The following HTT variants were observed in gnomAD, a reference collection of about 807,000 sequenced individuals.
HTT encodes huntingtin, also known as huntington disease protein.
A neutral mutation model predicts 362.3 loss-of-function variants in HTT; 104 were observed. The ratio of observed to expected loss-of-function variants is 0.29; its 90% CI spans 0.24 to 0.34. The LOEUF is 0.34. Among genes scored for constraint, HTT ranks in the 10% least tolerant of loss-of-function variants. HTT has a pLI of 1.00. For synonymous variants in HTT, 1,577 were observed against 1,548.7 expected (o/e 1.02, Z -0.43); for missense variants, 3,301 against 3,928.6 (o/e 0.84, Z 4.27).
At chr4:3,133,075 C>G (rs1236398480) in intron 18 of HTT, among the ~76,000 whole-genome samples, 164 bp downstream of exon 18, 1 of 152,142 alleles carries the variant, frequency 6.6e-6, no homozygotes, top group African/African-American at 2.4e-5. Context: ...AAAACGTTGC[C>G]AGTAAAGTTA....
At chr4:3,229,645 A>C (rs370244989) in intron 59 of HTT, among the ~76,000 whole-genome samples, 1 of 151,718 alleles carries the variant, frequency 6.6e-6, no homozygotes, top group African/African-American at 2.4e-5. Context: ...CCACATGCGC[A>C]CACACACACC....
At chr4:3,103,768 G>A (rs886086119) in intron 3 of HTT, 56 bp from the exon 4 acceptor site, 78 of 1,103,972 alleles carry the variant, frequency 7.1e-5, no homozygotes, top group Non-Finnish European at 9.1e-5. Context: ...CTTTTAGCTC[G>A]TTTTAGAACT....
intron 11 of HTT, 53 bp downstream of exon 11, chr4:3,125,682 C>A: frequency 1.5e-6 from 2 of 1,294,748 alleles, no homozygotes; most frequent in South Asian, 1.2e-5. Flanking sequence ...TGCCTTCCAC[C>A]CCTTGCCCTT....
intron 59 of HTT, among the ~76,000 whole-genome samples, chr4:3,229,249 ACAC>A (rs1721091066): frequency 1.5e-5 from 2 of 137,842 alleles, no homozygotes; most frequent in Admixed American, 1.5e-4. Flanking sequence ...CACACACGCC[ACAC>A]CACATGCACC....
At chr4:3,075,818 C>G (rs1381841619) in intron 1 of HTT, among the ~76,000 whole-genome samples, 1 of 152,152 alleles carries the variant, frequency 6.6e-6, no homozygotes, top group Non-Finnish European at 1.5e-5. Flanking sequence ...ATCTGCTCAT[C>G]TAAGCCTAAG....
chr4:3,223,682 C>A, intron 55 of HTT, 122 bp downstream of exon 55: 1 of 925,264 alleles, frequency 1.1e-6, no homozygotes, highest in Non-Finnish European at 1.6e-6. Flanking sequence ...TTGAAAACAC[C>A]GTCCGTGTGG....
intron 60 of HTT, 134 bp from the exon 61 acceptor site, chr4:3,233,029 G>A (rs1329304450): frequency 1.5e-6 from 1 of 680,696 alleles, no homozygotes; most frequent in African/African-American, 1.8e-5. Flanking sequence ...GGCCTCTCAG[G>A]ATGGTCTCCG....
chr4:3,105,877 G>A (rs7665816), intron 5 of HTT, among the ~76,000 whole-genome samples: 34,050 of 152,188 alleles, frequency 0.22, 6,336 homozygotes, highest in African/African-American at 0.52. Flanking sequence ...TTGTTGCACT[G>A]TGAATAGTTT....
Position 3,074,959 on chromosome 4 carries a change from C to CGCCGCCGCG in HTT, c.142_143insGGCCGCCGC (p.Pro47_Pro48insArgProPro). On this transcript the variant is annotated inframe_insertion, in exon 1 of 67. Coordinates refer to ENST00000355072, the MANE Select transcript of HTT (RefSeq NM_001388492.1). ...CAACAGCCGCCACCGCCGCCGCCGCCGCCGCCGCCTCCTCAGCTTCCTCAG... is the reference window on the plus strand; with the variant it reads ...CAACAGCCGCCACCGCCGCCGCCGCCGCCGCCGCGGCCGCCGCCTCCTCAGCTTCCTCAG... 1 of 1,476,882 alleles carries CGCCGCCGCG rather than the reference C, an allele frequency of 6.8e-7. No individual in the cohort carries two copies. The highest frequency in any genetic ancestry group is 9.0e-7 in the Non-Finnish European group (1 of 1,114,774). 91.5% of individuals were successfully genotyped at this position (1,476,882 alleles called of 1,614,324 possible). A position where few individuals can be genotyped will look rare whatever the true frequency, so the allele number is the denominator to read the frequency against.
Position 3,233,235 on chromosome 4 carries a change from G to C in HTT, c.8338G>C (p.Val2780Leu). 2 of 1,608,916 alleles carry C rather than the reference G, an allele frequency of 1.2e-6. No individual in the cohort carries two copies. The change falls in exon 61 of 67, where the codon GTT (valine) becomes CTT (leucine). Residue 2780 changes from valine to leucine, a missense_variant. Physicochemically the swap from Val to Leu is conservative, Grantham distance 32. This residue lies in a region of HTT where 753 missense variants were observed against 1,021.3 expected (regional missense o/e 0.74). Coordinates refer to ENST00000355072, the MANE Select transcript of HTT (RefSeq NM_001388492.1). ...TLRSSHLPSR[V>L]GALHGVLYVL... is the part of the protein sequence containing the mutation. ...CAGGAGCAGCCACCTGCCCAGCAGG[G>C]TTGGAGCCCTGCACGGCGTCCTCTA... is the stretch of plus-strand genomic sequence containing the variant.
chr4:3,105,210 T>G (rs1421689158), intron 4 of HTT, 147 bp from the exon 5 acceptor site: 1 of 616,168 alleles, frequency 1.6e-6, no homozygotes, highest in Non-Finnish European at 2.9e-6. Context: ...CACTAGACCT[T>G]AAAGTAGTTA....
intron 4 of HTT, 21 bp from the exon 5 acceptor site, chr4:3,105,336 A>G (rs761799795): frequency 1.3e-6 from 2 of 1,575,834 alleles, no homozygotes; most frequent in Non-Finnish European, 8.7e-7. Context: ...TCTTAATGCA[A>G]CCCTCATTGC....
At chr4:3,146,001 C>T (rs115579397) in intron 24 of HTT, among the ~76,000 whole-genome samples, 146 of 152,174 alleles carry the variant, frequency 9.6e-4, no homozygotes, top group Non-Finnish European at 1.7e-3. Context: ...GTTAAAAATC[C>T]GTTCAAGTAA....
chr4:3,179,456 G>T (rs1227099408), intron 35 of HTT, among the ~76,000 whole-genome samples: 18 of 152,164 alleles, frequency 1.2e-4, no homozygotes, highest in Non-Finnish European at 2.9e-5. Flanking sequence ...CCACCGAAGG[G>T]TCAGTGAGTA....
At chr4:3,238,729 G>GGGCCCCCCCCCCCCCCCCCCCCCCCC in intron 65 of HTT, 89 bp from the exon 66 acceptor site, 1 of 1,165,482 alleles carries the variant, frequency 8.6e-7, no homozygotes, top group Non-Finnish European at 1.2e-6. Flanking sequence ...CAATGCCTCT[G>GGGCCCCCCCCCCCCCCCCCCCCCCCC]GCCCCCACCC....
At chr4:3,113,111 T>A (rs569798991) in intron 6 of HTT, 103 of 628,940 alleles carry the variant, frequency 1.6e-4, no homozygotes, top group Non-Finnish European at 1.9e-4. Context: ...GTATGCCTCC[T>A]CTGTGTTTGA....
At chr4:3,124,318 C>T (rs192468491) in intron 10 of HTT, among the ~76,000 whole-genome samples, 212 of 152,332 alleles carry the variant, frequency 1.4e-3, no homozygotes, top group African/African-American at 4.8e-3. Context: ...TTATCCTCTT[C>T]TGGCTGGGAC....
chr4:3,198,740 TGA>T (rs1578581150), intron 40 of HTT, among the ~76,000 whole-genome samples: 1 of 152,236 alleles, frequency 6.6e-6, no homozygotes, highest in African/African-American at 2.4e-5. Context: ...CCTGGAGCCC[TGA>T]GAAGGATGCT....
chr4:3,188,915 A>C (rs780186739), intron 39 of HTT, 36 bp from the exon 40 acceptor site: 3 of 1,604,200 alleles, frequency 1.9e-6, no homozygotes, highest in South Asian at 2.2e-5. Context: ...TATAGTAGTC[A>C]CCTAATTCAC....
Sources: gnomAD v4.1 joint callset for allele counts (sites outside exome capture counted in the v4.1 genomes callset) on GRCh38, gnomAD v4.1.1 for gene constraint, gnomAD v4.1.1 regional missense constraint, MANE v1.5 for transcripts, NCBI Gene and HGNC (gene_info 2026-07-23, HGNC 2026-07-21) for gene names.